GABRG3: variants seen among roughly 807,000 people sequenced by gnomAD.
GABRG3 encodes gamma-aminobutyric acid receptor subunit gamma-3.
Under a neutral mutation model 48.8 loss-of-function variants are expected in GABRG3, and 25 were observed. The observed-to-expected ratio is 0.51, with a 90% confidence interval of 0.37 to 0.72. The LOEUF (loss-of-function observed/expected upper bound fraction) is 0.72. GABRG3 is among the 30% of genes least tolerant of loss of function. GABRG3 has a pLI of 0.00. For missense variants in GABRG3, 394 were observed against 577.9 expected, an observed-to-expected ratio of 0.68 and a Z score of 3.26; for synonymous variants, 227 against 217.6, an observed-to-expected ratio of 1.04 and a Z score of -0.38.
intron 5 of GABRG3, among the ~76,000 whole-genome samples, chr15:27,331,180 G>C (rs539734073): frequency 1.5e-3 from 230 of 152,184 alleles, no homozygotes; most frequent in African/African-American, 5.3e-3. Context: ...AAGACACCTG[G>C]GTCGTCTCTT....
intron 5 of GABRG3, among the ~76,000 whole-genome samples, chr15:27,455,564 GGTGT>G (rs1038900900): frequency 1.3e-5 from 2 of 150,934 alleles, no homozygotes; most frequent in African/African-American, 4.9e-5. Context: ...GTTTGTGTGT[GGTGT>G]GTGTGTGGTG....
At chr15:27,181,889 C>T (rs1226261883) in intron 3 of GABRG3, among the ~76,000 whole-genome samples, 5 of 151,804 alleles carry the variant, frequency 3.3e-5, no homozygotes, top group South Asian at 2.1e-4. Context: ...GTTCTGTACA[C>T]GAGAAATCAT....
At chr15:27,208,549 G>A in intron 3 of GABRG3, 1 of 184,208 alleles carries the variant, frequency 5.4e-6, no homozygotes, top group Non-Finnish European at 1.1e-5. Flanking sequence ...CCTCATTGCA[G>A]GGCTGGCTTG....
intron 3 of GABRG3, among the ~76,000 whole-genome samples, chr15:27,251,910 T>G (rs1200244298): frequency 6.6e-6 from 1 of 152,138 alleles, no homozygotes; most frequent in African/African-American, 2.4e-5. Context: ...CTTGCCACAG[T>G]CAGATGTGGC....
At chr15:27,498,696 G>C (rs1890546937) in intron 6 of GABRG3, among the ~76,000 whole-genome samples, 1 of 151,918 alleles carries the variant, frequency 6.6e-6, no homozygotes, top group Non-Finnish European at 1.5e-5. Context: ...TTCACCGTGA[G>C]GCCAGGCTAT....
Position 27,539,686 on chromosome 15 carries a change from G to A in GABRG3, c.*6805G>A, listed in dbSNP as rs1245344024. 2.6e-5 allele frequency: 4 copies of A among 152,242 alleles called. No individual in the cohort carries two copies. In the East Asian group the frequency reaches 7.7e-4, roughly 29 times the overall value. 9.4% of individuals were successfully genotyped at this position (152,242 alleles called of 1,614,324 possible). A position where few individuals can be genotyped will look rare whatever the true frequency, so the allele number is the denominator to read the frequency against. On this transcript the variant is annotated 3_prime_UTR_variant, in exon 10 of 10. Transcript: ENST00000615808. ...AGAGCAGCACTTCTGTCACTCTCATGGGGAGATCAGGGTACCCACTCCTCT... is the reference window on the plus strand; with the variant it reads ...AGAGCAGCACTTCTGTCACTCTCATAGGGAGATCAGGGTACCCACTCCTCT...
chr15:27,078,150 T>C (rs1166930642), intron 3 of GABRG3, among the ~76,000 whole-genome samples: 1 of 152,188 alleles, frequency 6.6e-6, no homozygotes, highest in Non-Finnish European at 1.5e-5. Flanking sequence ...GGTGTTTTTA[T>C]ATGAGATTAA....
chr15:27,211,349 A>T (rs1889074224), intron 3 of GABRG3, among the ~76,000 whole-genome samples: 1 of 152,236 alleles, frequency 6.6e-6, no homozygotes, highest in South Asian at 2.1e-4. Context: ...CAACAAGACA[A>T]CAAGACGTTT....
intron 5 of GABRG3, among the ~76,000 whole-genome samples, chr15:27,432,498 A>G (rs1013794345): frequency 3.9e-5 from 6 of 152,168 alleles, no homozygotes; most frequent in African/African-American, 1.4e-4. Flanking sequence ...TCATTAGCTG[A>G]GATGGCTGAG....
At chr15:27,252,127 C>T (rs187553362) in intron 3 of GABRG3, among the ~76,000 whole-genome samples, 1 of 152,160 alleles carries the variant, frequency 6.6e-6, no homozygotes, top group East Asian at 1.9e-4. Flanking sequence ...TTTGTGAAAT[C>T]GGGGGACACG....
At chr15:27,239,776 TCA>T (rs1230281983) in intron 3 of GABRG3, among the ~76,000 whole-genome samples, 8 of 152,188 alleles carry the variant, frequency 5.3e-5, no homozygotes, top group Non-Finnish European at 1.2e-4. Flanking sequence ...AAATGTATTC[TCA>T]GTTATCCTAA....
At chr15:27,099,641 G>A (rs1226985634) in intron 3 of GABRG3, among the ~76,000 whole-genome samples, 2 of 151,862 alleles carry the variant, frequency 1.3e-5, no homozygotes, top group Non-Finnish European at 2.9e-5. Context: ...TAACATTTAT[G>A]TATTCATGTT....
Position 27,527,509 on chromosome 15 carries a change from C to T in GABRG3, c.942C>T (p.Thr314=), listed in dbSNP as rs764060171. ...RKSLPRVSYV[T]AMDLFVTVCF... ...CCTTGCCACGCGTGTCCTACGTGAC[C>T]GCCATGGACCTTTTTGTGACCGTGT... The change falls in exon 8 of 10, where the codon ACC becomes ACT. Residue 314 remains threonine (T), a synonymous_variant. Transcript: ENST00000615808. 3.1e-6 allele frequency: 5 copies of T among 1,613,992 alleles called. No homozygotes were observed. Among genetic ancestry groups the T allele is most frequent in the Admixed American group, 1.7e-5 (1 of 60,022 alleles).
Position 27,537,163 on chromosome 15 carries a change from C to T in GABRG3, c.*4282C>T, listed in dbSNP as rs1158652158. 1 of 150,242 alleles carries T rather than the reference C, an allele frequency of 6.7e-6. No individual in the cohort carries two copies. The highest frequency in any genetic ancestry group is 2.1e-4 in the South Asian group (1 of 4,702). 9.3% of individuals were successfully genotyped at this position (150,242 alleles called of 1,614,324 possible). A position where few individuals can be genotyped will look rare whatever the true frequency, so the allele number is the denominator to read the frequency against. On this transcript the variant is annotated 3_prime_UTR_variant, in exon 10 of 10. Transcript: ENST00000615808. Reference sequence around the variant, plus strand: ...AAAAAAAAGAATGGCTTAAGCTCCACATAATCTGATGTAAATATACATTGA... The same window carrying T: ...AAAAAAAAGAATGGCTTAAGCTCCATATAATCTGATGTAAATATACATTGA...
Position 27,352,452 on chromosome 15 carries a change from G to A in GABRG3, c.574+23564G>A, listed in dbSNP as rs1168960969. Among the ~76,000 whole-genome samples, 1 of 152,032 alleles carries A rather than the reference G, an allele frequency of 6.6e-6. No individual in the cohort carries two copies. Among genetic ancestry groups the A allele is most frequent in the Non-Finnish European group, 1.5e-5 (1 of 68,016 alleles). Reference sequence around the variant, plus strand: ...AAGATGTAAATCCAGGGTGAGCCAAGCAGATTGATAGTCTTCTAATTAGTA... The same window carrying A: ...AAGATGTAAATCCAGGGTGAGCCAAACAGATTGATAGTCTTCTAATTAGTA... On this transcript the variant is annotated intron_variant, in intron 5 of 9. Transcript: ENST00000615808. This position sits in a 1 kb window ranked among gnomAD's most constrained non-coding sequence, Gnocchi z 4.0.
At chr15:27,240,610 G>A (rs560002646) in intron 3 of GABRG3, among the ~76,000 whole-genome samples, 1 of 152,170 alleles carries the variant, frequency 6.6e-6, no homozygotes, top group African/African-American at 2.4e-5. Flanking sequence ...AAATATAACA[G>A]GGAATTATAA....
chr15:27,335,077 T>C (rs565002805), intron 5 of GABRG3, among the ~76,000 whole-genome samples: 2 of 152,360 alleles, frequency 1.3e-5, no homozygotes, highest in African/African-American at 4.8e-5. Flanking sequence ...TCATATGCAA[T>C]ACTGTGATTT....
At chr15:27,386,193 C>G (rs2140567989) in intron 5 of GABRG3, among the ~76,000 whole-genome samples, 1 of 152,260 alleles carries the variant, frequency 6.6e-6, no homozygotes, top group African/African-American at 2.4e-5. Flanking sequence ...GATCAGCACA[C>G]TTTACTGGTG....
intron 5 of GABRG3, among the ~76,000 whole-genome samples, chr15:27,456,621 A>C (rs1407038684): frequency 6.6e-6 from 1 of 152,158 alleles, no homozygotes; most frequent in East Asian, 1.9e-4. Flanking sequence ...AGGAAGGAGG[A>C]TGTCTTCCCA....
Sources: allele counts gnomAD v4.1 joint callset (sites outside exome capture counted in the v4.1 genomes callset), GRCh38; gene constraint gnomAD v4.1.1; non-coding constraint Gnocchi (gnomAD v3.1); transcripts MANE v1.5; gene names NCBI Gene and HGNC (gene_info 2026-07-23, HGNC 2026-07-21).